Variants in PRKAR1B observed in about 807,000 individuals in gnomAD.
PRKAR1B encodes cAMP-dependent protein kinase type I-beta regulatory subunit.
In PRKAR1B, 22 loss-of-function variants were observed where a neutral mutation model predicts 46.5. The observed-to-expected ratio is 0.47, with a 90% CI of 0.34 to 0.68. The LOEUF (loss-of-function observed/expected upper bound fraction) is 0.68, where lower values mean the gene tolerates loss of function less well. Ranked by LOEUF, PRKAR1B falls within the 30% of genes least tolerant of loss-of-function variation. The pLI is 0.01. For missense variants in PRKAR1B, 445 were observed against 535.6 expected (o/e 0.83, Z 1.67); for synonymous variants, 259 against 217.7 (o/e 1.19, Z -1.67).
At chr7:599,075 G>A (rs922740750) in intron 6 of PRKAR1B, among the ~76,000 whole-genome samples, 1 of 152,210 alleles carries the variant, frequency 6.6e-6, no homozygotes, top group Non-Finnish European at 1.5e-5. Context: ...CATGAGGCCT[G>A]GAGAAGCCCA....
At chr7:616,953 C>A (rs142660685) in intron 4 of PRKAR1B, among the ~76,000 whole-genome samples, 3 of 143,262 alleles carry the variant, frequency 2.1e-5, no homozygotes, top group Admixed American at 2.1e-4. Flanking sequence ...TTGGGGTTTT[C>A]TTGTTTATTT....
intron 4 of PRKAR1B, among the ~76,000 whole-genome samples, chr7:646,040 A>G (rs1212461403): frequency 2.0e-5 from 3 of 151,616 alleles, no homozygotes; most frequent in Non-Finnish European, 4.4e-5. Flanking sequence ...AGTAACCCCA[A>G]CTGCACGCTA....
At chr7:654,256 C>T (rs1027838574) in intron 4 of PRKAR1B, among the ~76,000 whole-genome samples, 1 of 151,804 alleles carries the variant, frequency 6.6e-6, no homozygotes, top group Non-Finnish European at 1.5e-5. Context: ...TCACCATCAT[C>T]ACCATCCTCA....
intron 4 of PRKAR1B, among the ~76,000 whole-genome samples, chr7:639,052 T>A (rs1784263288): frequency 6.6e-6 from 1 of 152,100 alleles, no homozygotes; most frequent in African/African-American, 2.4e-5. Context: ...TACTCCAGCC[T>A]GGGTGACAGA....
intron 9 of PRKAR1B, among the ~76,000 whole-genome samples, chr7:552,266 T>TC (rs1295777966): frequency 1.7e-5 from 1 of 58,932 alleles, no homozygotes; most frequent in South Asian, 7.4e-4. Context: ...CAGGTCCTTC[T>TC]CCAGAGCTAC....
In PRKAR1B at chr7:593,891, G is replaced by A. The variant is rs529434478; in HGVS notation, c.708+2255C>T. Reference sequence around the variant, plus strand: ...GAGAAGCTCATGGGGTGCAGAATCTGATGAAACAGCCGCCCCAAAGACTGT... The same window carrying A: ...GAGAAGCTCATGGGGTGCAGAATCTAATGAAACAGCCGCCCCAAAGACTGT... On this transcript the variant is annotated intron_variant, in intron 7 of 10. Coordinates refer to ENST00000537384, the MANE Select transcript of PRKAR1B (RefSeq NM_001164760.2). This position sits in a 1 kb window ranked among gnomAD's most constrained non-coding sequence, Gnocchi z 6.1. 6.6e-6 allele frequency among the ~76,000 whole-genome samples: 1 copy of A among 152,288 alleles called. No homozygotes were observed. The highest frequency in any genetic ancestry group is 2.1e-4 in the South Asian group (1 of 4,828).
chr7:657,890 C>T (rs1254864828), intron 4 of PRKAR1B, among the ~76,000 whole-genome samples: 1 of 152,146 alleles, frequency 6.6e-6, no homozygotes, highest in Non-Finnish European at 1.5e-5. Context: ...TCCTCATGAA[C>T]CAGCGAGGCT....
chr7:607,355 T>A (rs754472631), intron 5 of PRKAR1B, 36 bp downstream of exon 5: 1 of 1,590,148 alleles, frequency 6.3e-7, no homozygotes, highest in East Asian at 2.2e-5. Flanking sequence ...ATTTTTCCCC[T>A]CTGGACTTTG....
rs1258604231 is a variant in PRKAR1B, at chr7:666,581, C to T, written c.440+10648G>A. Among the ~76,000 whole-genome samples, 1 of 152,192 alleles carries T rather than the reference C, an allele frequency of 6.6e-6. No individual in the cohort carries two copies. Among genetic ancestry groups the T allele is most frequent in the South Asian group, 2.1e-4 (1 of 4,830 alleles). ...ACACCCCACTCCAGCCCCAGCTGGA[C>T]AATTGCTGTGTGGGTCAGTGCAACA... On this transcript the variant is annotated intron_variant, in intron 4 of 10. Coordinates refer to ENST00000537384, the MANE Select transcript of PRKAR1B (RefSeq NM_001164760.2). The surrounding 1 kb of genome is among the most constrained non-coding windows in gnomAD (Gnocchi z 4.9).
intron 2 of PRKAR1B, among the ~76,000 whole-genome samples, chr7:696,127 T>C (rs57784820): frequency 0.033 from 5,038 of 151,456 alleles, 308 homozygotes; most frequent in African/African-American, 0.12. Flanking sequence ...CCACCACCAG[T>C]ATGCCTGGCT....
chr7:720,867 C>G (rs528248122), intron 1 of PRKAR1B, among the ~76,000 whole-genome samples: 3 of 152,188 alleles, frequency 2.0e-5, no homozygotes, highest in African/African-American at 7.2e-5. Flanking sequence ...ATATAGTAGA[C>G]ATCATACAGT....
intron 4 of PRKAR1B, among the ~76,000 whole-genome samples, chr7:657,288 G>A (rs1248064333): frequency 2.0e-5 from 3 of 151,166 alleles, no homozygotes; most frequent in African/African-American, 4.9e-5. Context: ...TGGATGGATG[G>A]ATGGATGGAT....
intron 4 of PRKAR1B, among the ~76,000 whole-genome samples, chr7:658,729 C>T (rs547752325): frequency 6.6e-6 from 1 of 152,276 alleles, no homozygotes; most frequent in South Asian, 2.1e-4. Flanking sequence ...CAGCTCACTG[C>T]AACCTCCACC....
intron 9 of PRKAR1B, chr7:565,054 G>A (rs2128428995): frequency 6.6e-6 from 1 of 152,350 alleles, no homozygotes; most frequent in African/African-American, 2.4e-5. Context: ...ACAGCCAGGA[G>A]TGGAAGGAGG....
intron 6 of PRKAR1B, among the ~76,000 whole-genome samples, chr7:604,436 C>T (rs942708437): frequency 5.3e-5 from 8 of 152,204 alleles, no homozygotes; most frequent in Admixed American, 4.6e-4. Context: ...AGGAGCACCC[C>T]CACTCCCTGA....
chr7:726,946 C>G, intron 1 of PRKAR1B: 1 of 1,335,554 alleles, frequency 7.5e-7, no homozygotes, highest in African/African-American at 1.5e-5. Context: ...CTGGGCGCGC[C>G]TACTGCTGCC....
chr7:659,086 C>T (rs28548269), intron 4 of PRKAR1B, among the ~76,000 whole-genome samples: 2,048 of 143,954 alleles, frequency 0.014, 56 homozygotes, highest in African/African-American at 0.047. Context: ...TGCAGGACGG[C>T]TCACAAACCA....
rs538645736 is a variant in PRKAR1B, at chr7:592,285, G to A, written c.708+3861C>T. 5.3e-5 allele frequency among the ~76,000 whole-genome samples: 8 copies of A among 152,372 alleles called. No individual in the cohort carries two copies. In the South Asian group the frequency reaches 1.7e-3, roughly 32 times the overall value. Reference sequence around the variant, plus strand: ...CTGCAGGGCACTAAGCCCCGGTCGAGGCTCGGGGACCCTCCGTGACCTTAG... The same window carrying A: ...CTGCAGGGCACTAAGCCCCGGTCGAAGCTCGGGGACCCTCCGTGACCTTAG... On this transcript the variant is annotated intron_variant, in intron 7 of 10. Coordinates refer to ENST00000537384, the MANE Select transcript of PRKAR1B (RefSeq NM_001164760.2).
At chr7:705,719 C>T (rs1322955462) in intron 2 of PRKAR1B, among the ~76,000 whole-genome samples, 1 of 152,110 alleles carries the variant, frequency 6.6e-6, no homozygotes, top group African/African-American at 2.4e-5. Context: ...AAATGCAGGA[C>T]CTGTTGATGC....
Sources: gnomAD v4.1 joint callset for allele counts (sites outside exome capture counted in the v4.1 genomes callset) on GRCh38, gnomAD v4.1.1 for gene constraint, Gnocchi (gnomAD v3.1) non-coding constraint, MANE v1.5 for transcripts, NCBI Gene and HGNC (gene_info 2026-07-23, HGNC 2026-07-21) for gene names.